The following ADAM10 variants were observed in gnomAD, a reference collection of about 807,000 sequenced individuals.
ADAM10 encodes the protein disintegrin and metalloproteinase domain-containing protein 10.
In ADAM10, 17 loss-of-function variants were observed where a neutral mutation model predicts 90.1. That is an observed-to-expected ratio of 0.19 (90% CI 0.13 to 0.28). The LOEUF (loss-of-function observed/expected upper bound fraction) is 0.28. Among genes scored for constraint, ADAM10 ranks in the 10% least tolerant of loss-of-function variants. The pLI, the probability that ADAM10 is intolerant of heterozygous loss-of-function variation, is 1.00. For synonymous variants in ADAM10, 310 were observed against 298.6 expected (o/e 1.04, Z -0.40); for missense variants, 610 against 914.3 (o/e 0.67, Z 4.29).
intron 4 of ADAM10, among the ~76,000 whole-genome samples, chr15:58,677,759 T>C (rs1283409886): frequency 6.6e-6 from 1 of 152,220 alleles, no homozygotes; most frequent in Non-Finnish European, 1.5e-5. Flanking sequence ...TTCTTTGATT[T>C]TGATAAAACA....
In ADAM10 at chr15:58,679,178, T is replaced by C. The variant is rs1297829769; in HGVS notation, c.430A>G (p.Ile144Val). The C allele has an allele frequency of 3.1e-6, 5 of 1,614,048 alleles. No homozygotes were observed. Among genetic ancestry groups the C allele is most frequent in the Non-Finnish European group, 3.4e-6 (4 of 1,179,964 alleles). ...TFYVEPAERY[I>V]KDRTLPFHSV... is the part of the protein sequence containing the mutation. ...TGAAATGGCAGAGTTCGGTCTTTAATATATCTCTCTGCTGGCTCAACATAA... is the reference window on the plus strand; with the variant it reads ...TGAAATGGCAGAGTTCGGTCTTTAACATATCTCTCTGCTGGCTCAACATAA... Residue 144 changes from isoleucine to valine, a missense_variant, in exon 4 of 16, where the codon ATT becomes GTT. This residue lies in a region of ADAM10 where 310 missense variants were observed against 362.4 expected (regional missense o/e 0.86). Transcript: ENST00000260408.
chr15:58,723,790 G>T (rs1434138767), intron 1 of ADAM10, among the ~76,000 whole-genome samples: 1 of 151,614 alleles, frequency 6.6e-6, no homozygotes, highest in Non-Finnish European at 1.5e-5. Flanking sequence ...ACACAACCAT[G>T]AACATAACAT....
intron 2 of ADAM10, among the ~76,000 whole-genome samples, chr15:58,695,615 G>T (rs1380829729): frequency 2.0e-5 from 3 of 151,818 alleles, no homozygotes; most frequent in Admixed American, 6.6e-5. Context: ...AAAAATTGAG[G>T]GCAAAAGCTA....
At chr15:58,628,588 T>C (rs1454942914) in intron 9 of ADAM10, among the ~76,000 whole-genome samples, 1 of 152,144 alleles carries the variant, frequency 6.6e-6, no homozygotes, top group Non-Finnish European at 1.5e-5. Flanking sequence ...CTCCCTGAAT[T>C]TTCTCAAAGT....
chr15:58,731,514 G>A (rs1347310480), intron 1 of ADAM10, among the ~76,000 whole-genome samples: 2 of 152,144 alleles, frequency 1.3e-5, no homozygotes, highest in Non-Finnish European at 2.9e-5. Context: ...TGTTGTCCCA[G>A]CTGCTCAAGA....
intron 2 of ADAM10, chr15:58,693,058 G>A: frequency 1.3e-6 from 1 of 752,128 alleles, no homozygotes; most frequent in East Asian, 2.5e-5. Context: ...GGCATCAGAA[G>A]CATTAGAGAT....
chr15:58,729,013 AAGAACTTCTT>A (rs1899133936), intron 1 of ADAM10, among the ~76,000 whole-genome samples: 1 of 152,188 alleles, frequency 6.6e-6, no homozygotes, highest in South Asian at 2.1e-4. Flanking sequence ...AGCCATTTTC[AAGAACTTCTT>A]AGAAGACCAG....
intron 1 of ADAM10, among the ~76,000 whole-genome samples, chr15:58,736,152 C>T (rs1466870711): frequency 6.6e-6 from 1 of 152,114 alleles, no homozygotes; most frequent in Non-Finnish European, 1.5e-5. Flanking sequence ...AACATCTTCA[C>T]CAGAAGAGGC....
intron 6 of ADAM10, among the ~76,000 whole-genome samples, chr15:58,645,187 C>T (rs1425383882): frequency 6.6e-6 from 1 of 152,176 alleles, no homozygotes; most frequent in Admixed American, 6.5e-5. Flanking sequence ...CCCACGCTGC[C>T]AAACACTGCT....
intron 1 of ADAM10, among the ~76,000 whole-genome samples, chr15:58,736,397 C>T (rs1405317615): frequency 6.6e-6 from 1 of 151,744 alleles, no homozygotes; most frequent in South Asian, 2.1e-4. Flanking sequence ...TACTTATAAG[C>T]CCCATGGGAA....
chr15:58,621,395 C>G (rs1203037175), intron 11 of ADAM10, 76 bp downstream of exon 11: 20 of 1,541,682 alleles, frequency 1.3e-5, no homozygotes, highest in Non-Finnish European at 1.6e-5. Flanking sequence ...ATCTCTTAAT[C>G]TCAGTTTTAA....
chr15:58,633,901 T>TA (rs541203863), intron 8 of ADAM10, among the ~76,000 whole-genome samples: 18,805 of 118,052 alleles, frequency 0.16, 1,548 homozygotes, highest in South Asian at 0.34. Context: ...TCAAGAAGGT[T>TA]AAAAAAAAAA....
At chr15:58,692,530 T>C (rs1353711623) in intron 2 of ADAM10, 2 of 525,698 alleles carry the variant, frequency 3.8e-6, no homozygotes, top group Non-Finnish European at 7.7e-6. Flanking sequence ...ATCACTGATT[T>C]CCTTCTCTGG....
At chr15:58,633,966 G>GA (rs1435109083) in intron 8 of ADAM10, among the ~76,000 whole-genome samples, 1 of 151,738 alleles carries the variant, frequency 6.6e-6, no homozygotes, top group African/African-American at 2.4e-5. Context: ...GGAAGGAAGG[G>GA]AGAGATAGAA....
chr15:58,730,125 A>G lies in ADAM10; in HGVS notation c.56-12398T>C, dbSNP rs563339305. On this transcript the variant is annotated intron_variant, in intron 1 of 15. Coordinates refer to ENST00000260408, the MANE Select transcript of ADAM10 (RefSeq NM_001110.4). ...AACACTTTTGGTTCCAAGTATTTCA[A>G]ATAAGGATACTCAACCTGTATATCC... 2.6e-5 allele frequency among the ~76,000 whole-genome samples: 4 copies of G among 152,364 alleles called. No homozygotes were observed. The East Asian group carries it at 7.7e-4, about 29-fold the overall frequency.
chr15:58,671,063 T>C (rs1331773570), intron 4 of ADAM10, among the ~76,000 whole-genome samples: 1 of 152,182 alleles, frequency 6.6e-6, no homozygotes, highest in Non-Finnish European at 1.5e-5. Context: ...CCTCAGTTCT[T>C]TGACATATTA....
chr15:58,643,711 C>CTG (rs1313197779), intron 7 of ADAM10, among the ~76,000 whole-genome samples, 175 bp downstream of exon 7: 6 of 152,028 alleles, frequency 3.9e-5, no homozygotes, highest in East Asian at 3.9e-4. Context: ...ACCCAAGTAT[C>CTG]TGTGTGTGTG....
At chr15:58,603,039 T>C (rs1229717865) in intron 14 of ADAM10, among the ~76,000 whole-genome samples, 1 of 152,232 alleles carries the variant, frequency 6.6e-6, no homozygotes, top group Non-Finnish European at 1.5e-5. Context: ...GAATCTGGCT[T>C]GGAATTTAAA....
chr15:58,730,766 C>G (rs1343771040), intron 1 of ADAM10, among the ~76,000 whole-genome samples: 1 of 152,080 alleles, frequency 6.6e-6, no homozygotes, highest in Non-Finnish European at 1.5e-5. Context: ...TGGGGAAGAT[C>G]CACCTGCACT....
Sources: allele counts gnomAD v4.1 joint callset (sites outside exome capture counted in the v4.1 genomes callset), GRCh38; gene constraint gnomAD v4.1.1; regional missense constraint gnomAD v4.1.1; transcripts MANE v1.5; gene names NCBI Gene and HGNC (gene_info 2026-07-23, HGNC 2026-07-21).